Variants in PTPRD observed in about 807,000 individuals in gnomAD.
PTPRD encodes receptor-type tyrosine-protein phosphatase delta.
Under a neutral mutation model 214.5 loss-of-function variants are expected in PTPRD, and 34 were observed. That is an observed-to-expected ratio of 0.16 (90% CI 0.12 to 0.21). PTPRD has a LOEUF of 0.21. Among genes scored for constraint, PTPRD ranks in the 10% least tolerant of loss-of-function variants. PTPRD has a pLI of 1.00. For synonymous variants in PTPRD, 1,128 were observed against 845.7 expected (o/e 1.33, Z -5.79); for missense variants, 2,545 against 2,398.7 (o/e 1.06, Z -1.27).
At chr9:10,482,263 G>C (rs550918893) in intron 2 of PTPRD, among the ~76,000 whole-genome samples, 90 of 151,782 alleles carry the variant, frequency 5.9e-4, no homozygotes, top group East Asian at 1.6e-3. Flanking sequence ...CCCAGCTACT[G>C]AGGAGGCTGA....
intron 2 of PTPRD, among the ~76,000 whole-genome samples, chr9:10,345,309 G>T (rs1242102417): frequency 4.0e-5 from 6 of 151,708 alleles, no homozygotes; most frequent in African/African-American, 1.5e-4. Flanking sequence ...TAAGTTCTGG[G>T]ATATATGGCA....
intron 3 of PTPRD, among the ~76,000 whole-genome samples, chr9:10,216,531 T>C (rs1205391001): frequency 6.6e-6 from 1 of 152,028 alleles, no homozygotes; most frequent in African/African-American, 2.4e-5. Context: ...ATCTGCTGTC[T>C]ATTATTAAAT....
At chr9:8,990,594 G>T (rs2099362555) in intron 11 of PTPRD, among the ~76,000 whole-genome samples, 1 of 152,034 alleles carries the variant, frequency 6.6e-6, no homozygotes. Context: ...CTTCCCTCAG[G>T]TGAGTCATAG....
chr9:9,825,174 C>T (rs1001956327), intron 5 of PTPRD, among the ~76,000 whole-genome samples: 7 of 151,630 alleles, frequency 4.6e-5, no homozygotes, highest in Non-Finnish European at 1.0e-4. Flanking sequence ...CATTTTGTTT[C>T]TTCTCAGTGG....
At chr9:8,838,947 A>G (rs1293118281) in intron 11 of PTPRD, among the ~76,000 whole-genome samples, 1 of 152,182 alleles carries the variant, frequency 6.6e-6, no homozygotes, top group Non-Finnish European at 1.5e-5. Context: ...GACTATATAA[A>G]ATGATGAATA....
chr9:9,332,921 G>A (rs557814476), intron 9 of PTPRD, among the ~76,000 whole-genome samples: 3 of 151,916 alleles, frequency 2.0e-5, no homozygotes, highest in Admixed American at 6.6e-5. Context: ...GAACTCTTAC[G>A]CTGTGTTATT....
intron 6 of PTPRD, among the ~76,000 whole-genome samples, chr9:9,761,610 T>A (rs1345820878): frequency 6.6e-6 from 1 of 152,132 alleles, no homozygotes; most frequent in Non-Finnish European, 1.5e-5. Flanking sequence ...ATGCTGGTTG[T>A]GATATTATAC....
intron 2 of PTPRD, among the ~76,000 whole-genome samples, chr9:10,354,023 GT>G (rs2097225997): frequency 1.3e-5 from 2 of 152,020 alleles, no homozygotes; most frequent in Admixed American, 6.5e-5. Context: ...TCAAAACCTA[GT>G]TTAAATATGG....
At chr9:8,704,547 T>A (rs772380052) in intron 12 of PTPRD, among the ~76,000 whole-genome samples, 6 of 152,172 alleles carry the variant, frequency 3.9e-5, no homozygotes, top group Non-Finnish European at 7.3e-5. Context: ...TTACAGGGGA[T>A]GCATTAAAGG....
chr9:9,618,867 G>C (rs1192982488), intron 7 of PTPRD, among the ~76,000 whole-genome samples: 1 of 151,976 alleles, frequency 6.6e-6, no homozygotes, highest in Non-Finnish European at 1.5e-5. Context: ...GGTTAGGGAA[G>C]GCCCTGGAAA....
chr9:9,808,083 T>C (rs748917247), intron 5 of PTPRD, among the ~76,000 whole-genome samples: 4 of 152,186 alleles, frequency 2.6e-5, no homozygotes, highest in African/African-American at 7.2e-5. Flanking sequence ...TATATGAATA[T>C]ATGAGATTAT....
Position 9,458,456 on chromosome 9 carries a change from C to T in PTPRD, c.-236-60974G>A, listed in dbSNP as rs373937410. ...TGATTTAAGATTTTATTCTTTTAGGCTAACTTTGTATAATGAGTGTGCATG... is the reference window on the plus strand; with the variant it reads ...TGATTTAAGATTTTATTCTTTTAGGTTAACTTTGTATAATGAGTGTGCATG... On this transcript the variant is annotated intron_variant, in intron 8 of 45. Transcript: ENST00000381196. Among the ~76,000 whole-genome samples, 5 of 151,882 alleles carry T rather than the reference C, an allele frequency of 3.3e-5. No homozygotes were observed. In the East Asian group the frequency reaches 5.8e-4, roughly 18 times the overall value.
chr9:8,825,651 A>G (rs2097160689), intron 11 of PTPRD, among the ~76,000 whole-genome samples: 1 of 152,228 alleles, frequency 6.6e-6, no homozygotes, highest in South Asian at 2.1e-4. Flanking sequence ...AGTGAAAGTA[A>G]GTTTATTAAG....
chr9:10,102,273 T>C (rs2154215141), intron 3 of PTPRD, among the ~76,000 whole-genome samples: 1 of 151,750 alleles, frequency 6.6e-6, no homozygotes, highest in East Asian at 2.0e-4. Flanking sequence ...AAATTTGCCA[T>C]AGATCCTTCA....
intron 8 of PTPRD, among the ~76,000 whole-genome samples, chr9:9,535,412 T>A (rs765323238): frequency 3.9e-5 from 6 of 152,090 alleles, no homozygotes; most frequent in Non-Finnish European, 8.8e-5. Flanking sequence ...GTGAACCTAT[T>A]ACCATCTTCA....
intron 5 of PTPRD, among the ~76,000 whole-genome samples, chr9:9,886,108 C>T (rs180773514): frequency 6.6e-5 from 10 of 152,130 alleles, no homozygotes; most frequent in African/African-American, 2.4e-4. Context: ...TTTATACACA[C>T]CAGCCACTTC....
chr9:8,590,602 T>C (rs538720928), intron 14 of PTPRD, among the ~76,000 whole-genome samples: 12 of 152,292 alleles, frequency 7.9e-5, no homozygotes, highest in Admixed American at 5.2e-4. Context: ...CTGTGTTCAC[T>C]AACTGGCACT....
intron 5 of PTPRD, among the ~76,000 whole-genome samples, chr9:9,895,873 C>A (rs1275122401): frequency 6.6e-6 from 1 of 152,050 alleles, no homozygotes; most frequent in Non-Finnish European, 1.5e-5. Flanking sequence ...AAAATCGAGT[C>A]TATCACGAAG....
rs113248167 is a variant in PTPRD at position 10,482,977 on chromosome 9, A to G, written c.-600+129421T>C. 5.2e-3 allele frequency among the ~76,000 whole-genome samples: 787 copies of G among 152,324 alleles called. 13 individuals carry two copies. The highest frequency in any genetic ancestry group is 0.018 in the African/African-American group (760 of 41,578). ...GAACCAAAAAAGAGCAGAAATAGCC[A>G]AGGCAATCCTAAGCAAAAAGAACAA... On this transcript the variant is annotated intron_variant, in intron 2 of 45. Coordinates refer to ENST00000381196, the MANE Select transcript of PTPRD (RefSeq NM_002839.4).
Sources: allele counts gnomAD v4.1 joint callset (sites outside exome capture counted in the v4.1 genomes callset), GRCh38; gene constraint gnomAD v4.1.1; transcripts MANE v1.5; gene names NCBI Gene and HGNC (gene_info 2026-07-23, HGNC 2026-07-21).